The following ANKS3 variants were observed in gnomAD, a reference collection of about 807,000 sequenced individuals.
The protein encoded by ANKS3 is ankyrin repeat and sterile alpha motif domain containing 3, also known as ankyrin repeat and SAM domain-containing protein 3.
In ANKS3, 62 loss-of-function variants were observed where a neutral mutation model predicts 80.7. The observed-to-expected ratio is 0.77, with a 90% CI of 0.63 to 0.95. The LOEUF (loss-of-function observed/expected upper bound fraction) is 0.95, where lower values mean the gene tolerates loss of function less well. ANKS3 is among the 40% of genes least tolerant of loss of function. ANKS3 has a pLI of 0.00. For synonymous variants in ANKS3, 489 were observed against 355.3 expected, an observed-to-expected ratio of 1.38 and a Z score of -4.23; for missense variants, 1,150 against 883.6, an observed-to-expected ratio of 1.30 and a Z score of -3.82.
At position 4,727,067 on chromosome 16, in the gene ANKS3, C is replaced by T; in HGVS notation, c.281G>A (p.Ser94Asn). The change falls in exon 4 of 18, where the codon AGT (serine) becomes AAT (asparagine). Residue 94 changes from serine (S) to asparagine (N), a missense_variant. By Grantham distance (46) the Ser-to-Asn change is conservative. Coordinates refer to ENST00000304283, the MANE Select transcript of ANKS3 (RefSeq NM_133450.4). Reference protein sequence around the residue: ...IVHLLLEAGVSVNVPTPEGQT... With the variant: ...IVHLLLEAGVNVNVPTPEGQT... ...CCCTTCTGGGGTCGGCACATTCACA[C>T]TCACCCCCGCCTCAAGCAGCAGGTG... is the stretch of plus-strand genomic sequence containing the variant. The T allele has an allele frequency of 2.5e-6, 4 of 1,614,158 alleles. No homozygotes were observed. In the East Asian group the frequency reaches 8.9e-5, roughly 36 times the overall value.
intron 9 of ANKS3, chr16:4,701,803 G>T (rs149783445): frequency 1.2e-5 from 6 of 502,670 alleles, no homozygotes; most frequent in Middle Eastern, 5.6e-4. Context: ...AACAGCTGCT[G>T]CACGGAGGTG....
chr16:4,721,861 C>T (rs1309741304), intron 6 of ANKS3, among the ~76,000 whole-genome samples: 1 of 151,186 alleles, frequency 6.6e-6, no homozygotes, highest in Non-Finnish European at 1.5e-5. Flanking sequence ...GTCTCAAACT[C>T]CTGACCTCAA....
chr16:4,724,951 T>C (rs529849502), intron 5 of ANKS3, 120 bp from the exon 6 acceptor site: 188 of 742,082 alleles, frequency 2.5e-4, no homozygotes, highest in Non-Finnish European at 3.9e-4. Flanking sequence ...CGTAGAACAC[T>C]GTCCCTTTCC....
In ANKS3 at chr16:4,730,203, C is replaced by T. The variant is rs142008417; in HGVS notation, c.-2-52G>A. 241 of 1,429,848 alleles carry T rather than the reference C, an allele frequency of 1.7e-4. No individual in the cohort carries two copies. In the African/African-American group the frequency reaches 2.7e-3, roughly 16 times the overall value. 88.6% of individuals were successfully genotyped at this position (1,429,848 alleles called of 1,614,324 possible). On this transcript the variant is annotated intron_variant, in intron 2 of 17. Transcript: ENST00000304283. Reference sequence around the variant, plus strand: ...TCTTTCCTGGCTGGTTGTTCCAGGGCATGAAACAGGCTGGTCCTGCCCCTG... The same window carrying T: ...TCTTTCCTGGCTGGTTGTTCCAGGGTATGAAACAGGCTGGTCCTGCCCCTG...
Position 4,734,068 on chromosome 16 carries a change from G to A in ANKS3, c.-201C>T. On this transcript the variant is annotated 5_prime_UTR_variant, in exon 1 of 18. Transcript: ENST00000304283. ...GCTCGGTCCTCCAGTCACGCGGCGA[G>A]CAAGTGCAGCGCGGGACGCCCGAGC... The A allele has an allele frequency of 1.0e-6, 1 of 973,352 alleles. No homozygotes were observed. The highest frequency in any genetic ancestry group is 1.2e-6 in the Non-Finnish European group (1 of 818,858). The allele number at this position is 973,352 out of a possible 1,614,324, so 60.3% of individuals were successfully genotyped here.
intron 7 of ANKS3, among the ~76,000 whole-genome samples, chr16:4,711,809 A>C (rs187246333): frequency 3.4e-4 from 51 of 152,178 alleles, no homozygotes; most frequent in African/African-American, 1.2e-3. Context: ...TCTCAGGAAA[A>C]TATAATTTAC....
In ANKS3 at chr16:4,698,809, C is replaced by T; in HGVS notation, c.1542G>A (p.Gln514=). 4.4e-6 allele frequency: 7 copies of T among 1,606,280 alleles called. No homozygotes were observed. The highest frequency in any genetic ancestry group is 5.9e-6 in the Non-Finnish European group (7 of 1,176,514). Residue 514 remains glutamine (Q), a synonymous_variant, in exon 13 of 18, where the codon CAG becomes CAA. Coordinates refer to ENST00000304283, the MANE Select transcript of ANKS3 (RefSeq NM_133450.4). The part of the protein sequence containing the change: ...LEAEMQELAI[Q]LHKRCEEVEA... ...CCACCCAGCCACTCACCTTGTGCAGCTGGATGGCGAGCTCCTGCATCTCAG... is the reference window on the plus strand; with the variant it reads ...CCACCCAGCCACTCACCTTGTGCAGTTGGATGGCGAGCTCCTGCATCTCAG...
At chr16:4,713,319 C>A (rs1234208546) in intron 7 of ANKS3, among the ~76,000 whole-genome samples, 1 of 151,950 alleles carries the variant, frequency 6.6e-6, no homozygotes, top group African/African-American at 2.4e-5. Context: ...AATGCACTGA[C>A]AATATGCAGT....
At chr16:4,732,774 G>A (rs185733599) in intron 1 of ANKS3, among the ~76,000 whole-genome samples, 1 of 150,696 alleles carries the variant, frequency 6.6e-6, no homozygotes, top group Non-Finnish European at 1.5e-5. Context: ...AGACGTTTTA[G>A]TTTTCATTCA....
At chr16:4,697,936 C>A in intron 15 of ANKS3, 41 bp downstream of exon 15, 1 of 1,472,426 alleles carries the variant, frequency 6.8e-7, no homozygotes, top group Non-Finnish European at 9.0e-7. Context: ...GCTCCCCCAC[C>A]TTCCCCTCTG....
chr16:4,713,280 CAA>C (rs377618677), intron 7 of ANKS3, among the ~76,000 whole-genome samples: 27 of 151,628 alleles, frequency 1.8e-4, no homozygotes, highest in African/African-American at 6.3e-4. Flanking sequence ...AAAAAAAAAA[CAA>C]AAGTTTGCAG....
chr16:4,703,905 T>C lies in ANKS3; in HGVS notation c.868+1190A>G, dbSNP rs1013437419. On this transcript the variant is annotated intron_variant, in intron 8 of 17. Coordinates refer to ENST00000304283, the MANE Select transcript of ANKS3 (RefSeq NM_133450.4). ...TATGATTTTGTTAAAGCATTTGTTG[T>C]ACAGCTATATAGATTAATTACCAAC... Among the ~76,000 whole-genome samples the C allele has an allele frequency of 3.2e-4, 49 of 152,232 alleles. 1 individual carries two copies. The highest frequency in any genetic ancestry group is 1.1e-3 in the African/African-American group (47 of 41,454).
Position 4,697,134 on chromosome 16 carries a change from G to A in ANKS3, c.1895-30C>T, listed in dbSNP as rs200743136. ...GGAATGATGACCTTGAGCCTCTCCC[G>A]GCCAGGCTCAGGAGGGCTGGGTGGT... On this transcript the variant is annotated intron_variant, in intron 16 of 17. Transcript: ENST00000304283. 113 of 1,608,014 alleles carry A rather than the reference G, an allele frequency of 7.0e-5. No individual in the cohort carries two copies. In the African/African-American group the frequency reaches 1.1e-3, roughly 16 times the overall value.
chr16:4,721,660 A>T (rs1296332114), intron 6 of ANKS3, among the ~76,000 whole-genome samples: 4 of 121,766 alleles, frequency 3.3e-5, no homozygotes, highest in African/African-American at 1.2e-4. Context: ...ATTTATTTAG[A>T]GATAGTCTCA....
intron 8 of ANKS3, among the ~76,000 whole-genome samples, chr16:4,702,458 A>C (rs1288043673): frequency 6.6e-6 from 1 of 152,230 alleles, no homozygotes; most frequent in African/African-American, 2.4e-5. Context: ...GAGGGCTGGC[A>C]GCCAGGTCAA....
rs1270687083 is a variant in ANKS3, at chr16:4,696,732, A to G, written c.*176T>C. Reference sequence around the variant, plus strand: ...GCCTCAGTGCTGGCCCGAGCTGCCGAGCCAGGGCCGCAGCCCCCGTCTTGC... The same window carrying G: ...GCCTCAGTGCTGGCCCGAGCTGCCGGGCCAGGGCCGCAGCCCCCGTCTTGC... On this transcript the variant is annotated 3_prime_UTR_variant, in exon 18 of 18. Coordinates refer to ENST00000304283, the MANE Select transcript of ANKS3 (RefSeq NM_133450.4). 5 of 502,080 alleles carry G rather than the reference A, an allele frequency of 1.0e-5. No individual in the cohort carries two copies. Among genetic ancestry groups the G allele is most frequent in the Non-Finnish European group, 1.8e-5 (5 of 274,856 alleles). 31.1% of individuals were successfully genotyped at this position (502,080 alleles called of 1,614,324 possible). A position where few individuals can be genotyped will look rare whatever the true frequency, so the allele number is the denominator to read the frequency against.
intron 9 of ANKS3, 65 bp downstream of exon 9, chr16:4,702,037 G>C: frequency 1.3e-6 from 2 of 1,496,682 alleles, no homozygotes; most frequent in Middle Eastern, 2.4e-4. Context: ...GATAAGTGGG[G>C]ATGGGCACAC....
intron 3 of ANKS3, among the ~76,000 whole-genome samples, chr16:4,728,267 G>A (rs528147861): frequency 3.9e-5 from 6 of 152,210 alleles, no homozygotes; most frequent in South Asian, 2.1e-4. Context: ...GGATGGTCTC[G>A]ATCTCCTGAC....
chr16:4,704,689 T>G (rs1267307864), intron 8 of ANKS3, among the ~76,000 whole-genome samples: 2 of 152,150 alleles, frequency 1.3e-5, no homozygotes, highest in Non-Finnish European at 2.9e-5. Flanking sequence ...TTTCTTGGCC[T>G]CCTGCCCCCA....
Sources: gnomAD v4.1 joint callset for allele counts (sites outside exome capture counted in the v4.1 genomes callset) on GRCh38, gnomAD v4.1.1 for gene constraint, MANE v1.5 for transcripts, NCBI Gene and HGNC (gene_info 2026-07-23, HGNC 2026-07-21) for gene names.